Variants in TSC22D1 observed in about 807,000 individuals in gnomAD.
The protein encoded by TSC22D1 is TSC22 domain family protein 1.
TSC22D1 carries 9 observed loss-of-function variants against 74.2 expected under a neutral mutation model. That is an observed-to-expected ratio of 0.12 (90% confidence interval 0.07 to 0.21). The LOEUF is 0.21. Ranked by LOEUF, TSC22D1 falls within the 10% of genes least tolerant of loss-of-function variation. The pLI, the probability that TSC22D1 is intolerant of heterozygous loss-of-function variation, is 1.00. For missense variants in TSC22D1, 1,427 were observed against 1,304.7 expected, an observed-to-expected ratio of 1.09 and a Z score of -1.44; for synonymous variants, 586 against 492.5, an observed-to-expected ratio of 1.19 and a Z score of -2.51.
intron 1 of TSC22D1, among the ~76,000 whole-genome samples, chr13:44,478,273 GA>G (rs1566131708): frequency 6.6e-6 from 1 of 151,990 alleles, no homozygotes; most frequent in African/African-American, 2.4e-5. Flanking sequence ...GTTTTATACA[GA>G]AAAAATACAT....
At chr13:44,457,799 G>A (rs368131120) in intron 1 of TSC22D1, among the ~76,000 whole-genome samples, 9 of 152,132 alleles carry the variant, frequency 5.9e-5, no homozygotes, top group South Asian at 2.1e-4. Flanking sequence ...CAAAGCCTTC[G>A]GTTGTAGGGT....
At chr13:44,476,911 C>T (rs1433970167) in intron 1 of TSC22D1, among the ~76,000 whole-genome samples, 1 of 151,928 alleles carries the variant, frequency 6.6e-6, no homozygotes, top group Non-Finnish European at 1.5e-5. Flanking sequence ...TCAAGCAATC[C>T]TCCTGCCTCA....
chr13:44,505,786 T>C (rs917059258), intron 1 of TSC22D1, among the ~76,000 whole-genome samples: 1 of 152,208 alleles, frequency 6.6e-6, no homozygotes, highest in African/African-American at 2.4e-5. Context: ...TAAGGCACCA[T>C]GCTACATTCT....
intron 1 of TSC22D1, among the ~76,000 whole-genome samples, chr13:44,569,597 G>C (rs1883614515): frequency 6.6e-6 from 1 of 152,156 alleles, no homozygotes; most frequent in African/African-American, 2.4e-5. Flanking sequence ...GGCAAAATGA[G>C]TATTACTCCT....
intron 1 of TSC22D1, among the ~76,000 whole-genome samples, chr13:44,509,952 A>AAAAAAAAAAAAAAAAAAAC (rs1879627478): frequency 2.2e-5 from 1 of 45,256 alleles, no homozygotes; most frequent in Non-Finnish European, 4.4e-5. Flanking sequence ...AAAATAAGCA[A>AAAAAAAAAAAAAAAAAAAC]AAAAAAAAAA....
chr13:44,536,833 A>G, intron 1 of TSC22D1: 1 of 984,424 alleles, frequency 1.0e-6, no homozygotes, highest in Non-Finnish European at 1.2e-6. Flanking sequence ...AATCAGGAAA[A>G]TGCAAAAACA....
upstream of TSC22D1, chr13:44,576,396 G>T (rs915718874): frequency 7.3e-6 from 2 of 273,406 alleles, no homozygotes; most frequent in Non-Finnish European, 1.4e-5. Flanking sequence ...GAGGGAGGGG[G>T]AGAGCGCAGG....
rs537055006 is a variant in TSC22D1 at position 44,492,110 on chromosome 13, A to G, written c.2913-56015T>C. On this transcript the variant is annotated intron_variant, in intron 1 of 2. Transcript: ENST00000458659. ...TTCATTCATGAAATGAACAACATAC[A>G]GATGCTCCTTAATCTACAATGGGGT... is the stretch of plus-strand genomic sequence containing the variant. Among the ~76,000 whole-genome samples, 9 of 152,304 alleles carry G rather than the reference A, an allele frequency of 5.9e-5. No individual in the cohort carries two copies. The East Asian group carries it at 1.7e-3, about 29-fold the overall frequency.
chr13:44,515,742 G>GA (rs1370176593), intron 1 of TSC22D1, among the ~76,000 whole-genome samples: 1 of 151,992 alleles, frequency 6.6e-6, no homozygotes, highest in Non-Finnish European at 1.5e-5. Flanking sequence ...TGGCCTAAGT[G>GA]AAAAAAATTC....
At chr13:44,452,405 C>G (rs1304013257) in intron 1 of TSC22D1, among the ~76,000 whole-genome samples, 2 of 152,194 alleles carry the variant, frequency 1.3e-5, no homozygotes, top group African/African-American at 2.4e-5. Flanking sequence ...TCTGTGCCCG[C>G]CCACCTGCCT....
intron 1 of TSC22D1, among the ~76,000 whole-genome samples, chr13:44,446,741 T>C (rs1292819807): frequency 1.2e-5 from 1 of 80,818 alleles, no homozygotes; most frequent in Non-Finnish European, 2.4e-5. Flanking sequence ...CTGGGAAGAA[T>C]GAAAAAAAAA....
At chr13:44,437,302 C>A (rs1292176015) in intron 1 of TSC22D1, 20 of 973,268 alleles carry the variant, frequency 2.1e-5, no homozygotes, top group Middle Eastern at 5.2e-4. Context: ...TGTAAGACTT[C>A]GAGTGTCTTG....
intron 1 of TSC22D1, among the ~76,000 whole-genome samples, chr13:44,542,593 CTTCT>C (rs1881543745): frequency 6.6e-6 from 1 of 152,098 alleles, no homozygotes; most frequent in African/African-American, 2.4e-5. Flanking sequence ...CAGAATATAA[CTTCT>C]TTATTTTGCC....
intron 1 of TSC22D1, among the ~76,000 whole-genome samples, chr13:44,527,314 AT>A (rs1880594174): frequency 6.6e-6 from 1 of 152,196 alleles, no homozygotes; most frequent in South Asian, 2.1e-4. Flanking sequence ...TTTGTTCAAA[AT>A]AATGACATCA....
chr13:44,537,998 T>C, intron 1 of TSC22D1: 1 of 985,348 alleles, frequency 1.0e-6, no homozygotes, highest in South Asian at 4.7e-5. Flanking sequence ...GACCAGTTAA[T>C]AGATACCAAA....
chr13:44,552,219 T>C (rs888967968), intron 1 of TSC22D1, among the ~76,000 whole-genome samples: 2 of 152,250 alleles, frequency 1.3e-5, no homozygotes, highest in Non-Finnish European at 2.9e-5. Context: ...TTCTCCATTT[T>C]TGACAACCCT....
chr13:44,438,618 T>C (rs544246402), intron 1 of TSC22D1, among the ~76,000 whole-genome samples: 80 of 152,312 alleles, frequency 5.3e-4, no homozygotes, highest in African/African-American at 1.8e-3. Context: ...ATTTTAAGGC[T>C]TGGCTTTTGA....
intron 1 of TSC22D1, among the ~76,000 whole-genome samples, chr13:44,532,232 C>T (rs752503546): frequency 6.6e-6 from 1 of 152,162 alleles, no homozygotes; most frequent in Non-Finnish European, 1.5e-5. Flanking sequence ...ATACGGACTA[C>T]TAGCCTAATT....
At chr13:44,455,113 C>T (rs1022874810) in intron 1 of TSC22D1, among the ~76,000 whole-genome samples, 2 of 152,010 alleles carry the variant, frequency 1.3e-5, no homozygotes, top group South Asian at 4.1e-4. Context: ...GAGATAAGGA[C>T]AAGTACCCAG....
Sources: allele counts gnomAD v4.1 joint callset (sites outside exome capture counted in the v4.1 genomes callset), GRCh38; gene constraint gnomAD v4.1.1; transcripts MANE v1.5; gene names NCBI Gene and HGNC (gene_info 2026-07-23, HGNC 2026-07-21).